CUTC: variants seen among roughly 807,000 people sequenced by gnomAD.
CUTC encodes the protein copper homeostasis protein cutC homolog.
A neutral mutation model predicts 36.2 loss-of-function variants in CUTC; 27 were observed. The ratio of observed to expected loss-of-function variants is 0.75; its 90% confidence interval spans 0.55 to 1.03. The LOEUF (loss-of-function observed/expected upper bound fraction) is 1.03, where lower values mean the gene tolerates loss of function less well. Among genes scored for constraint, CUTC ranks in the 50% least tolerant of loss-of-function variants. The probability of loss-of-function intolerance (pLI) is 0.00; values close to 1 mark genes in which losing one functional copy is unlikely to be tolerated. For synonymous variants in CUTC, 114 were observed against 118.3 expected, an observed-to-expected ratio of 0.96 and a Z score of 0.24; for missense variants, 315 against 343.5, an observed-to-expected ratio of 0.92 and a Z score of 0.66.
Position 99,733,438 on chromosome 10 carries a change from AG to A in CUTC, c.61+1030del, listed in dbSNP as rs1413737434. On this transcript the variant is annotated intron_variant, in intron 1 of 8. Transcript: ENST00000370476. Reference sequence around the variant, plus strand: ...ATTCCTAAACAACAACAACAAAAAAAGCAAAAGAGTGGAAATATATTTTTGC... The same window carrying A: ...ATTCCTAAACAACAACAACAAAAAAACAAAAGAGTGGAAATATATTTTTGC... Among the ~76,000 whole-genome samples the A allele has an allele frequency of 8.5e-5, 13 of 152,244 alleles. No homozygotes were observed. The South Asian group carries it at 1.2e-3, about 15-fold the overall frequency.
chr10:99,737,569 G>A (rs540713383), intron 2 of CUTC, among the ~76,000 whole-genome samples: 12 of 152,246 alleles, frequency 7.9e-5, no homozygotes, highest in African/African-American at 2.6e-4. Context: ...GGAGATGGTT[G>A]CAAAACTCTG....
chr10:99,745,746 A>C lies in CUTC; in HGVS notation c.440-1511A>C, dbSNP rs145163110. Among the ~76,000 whole-genome samples, 784 of 152,274 alleles carry C rather than the reference A, an allele frequency of 5.1e-3. 21 individuals carry two copies. Among genetic ancestry groups the C allele is most frequent in the East Asian group, 0.028 (144 of 5,182 alleles). On this transcript the variant is annotated intron_variant, in intron 5 of 8. Coordinates refer to ENST00000370476, the MANE Select transcript of CUTC (RefSeq NM_015960.3). Reference sequence around the variant, plus strand: ...GTGGCGCATGCCTGTAATCCCAGCTACTCGGGAGGCTGAGGCAGGAGAATC... The same window carrying C: ...GTGGCGCATGCCTGTAATCCCAGCTCCTCGGGAGGCTGAGGCAGGAGAATC...
At chr10:99,753,083 C>T (rs977526756) in intron 7 of CUTC, among the ~76,000 whole-genome samples, 4 of 152,148 alleles carry the variant, frequency 2.6e-5, no homozygotes, top group African/African-American at 9.7e-5. Flanking sequence ...TAAACTAGTT[C>T]TGTGGGATCC....
chr10:99,755,874 G>A lies in CUTC; in HGVS notation c.*135G>A. On this transcript the variant is annotated 3_prime_UTR_variant, in exon 9 of 9. Transcript: ENST00000370476. ...TTTGTTTTAAGTTTCACATGGCCAT[G>A]GAGAATGTGCCCAAGAAGAAAAAGA... 1.7e-6 allele frequency: 1 copy of A among 588,096 alleles called. No homozygotes were observed. The highest frequency in any genetic ancestry group is 2.9e-5 in the East Asian group (1 of 35,000). The allele number at this position is 588,096 out of a possible 1,614,324, so 36.4% of individuals were successfully genotyped here.
chr10:99,745,138 A>G (rs1371181972), intron 5 of CUTC, among the ~76,000 whole-genome samples: 1 of 152,226 alleles, frequency 6.6e-6, no homozygotes, highest in Non-Finnish European at 1.5e-5. Flanking sequence ...TTCAGAGAGC[A>G]CTGCCATTGC....
chr10:99,739,964 G>T (rs929151808), intron 3 of CUTC, among the ~76,000 whole-genome samples, 195 bp downstream of exon 3: 4 of 152,204 alleles, frequency 2.6e-5, no homozygotes, highest in African/African-American at 9.7e-5. Context: ...AAAGTTGAAA[G>T]GTAGGTAGGT....
intron 8 of CUTC, among the ~76,000 whole-genome samples, chr10:99,754,965 TA>T (rs1564658730): frequency 7.4e-6 from 1 of 135,720 alleles, no homozygotes; most frequent in Non-Finnish European, 1.6e-5. Flanking sequence ...GTAGCAAAGT[TA>T]ATAACTATGG....
chr10:99,749,918 C>T (rs902693432), intron 6 of CUTC, among the ~76,000 whole-genome samples: 2 of 152,084 alleles, frequency 1.3e-5, no homozygotes, highest in Non-Finnish European at 2.9e-5. Context: ...CTCACCATGT[C>T]AGGGAGGAAA....
chr10:99,745,931 C>G (rs2037374975), intron 5 of CUTC, among the ~76,000 whole-genome samples: 1 of 152,184 alleles, frequency 6.6e-6, no homozygotes, highest in African/African-American at 2.4e-5. Flanking sequence ...TGCTATGAAC[C>G]TTGAGTATGT....
chr10:99,742,449 T>C (rs2037348313), intron 3 of CUTC, among the ~76,000 whole-genome samples: 1 of 152,164 alleles, frequency 6.6e-6, no homozygotes, highest in African/African-American at 2.4e-5. Flanking sequence ...TTGAGTACAG[T>C]CTGTTTTTGT....
At chr10:99,740,638 A>G (rs1468328035) in intron 3 of CUTC, among the ~76,000 whole-genome samples, 1 of 151,920 alleles carries the variant, frequency 6.6e-6, no homozygotes, top group Non-Finnish European at 1.5e-5. Context: ...GGACCTGTGC[A>G]TTTATACTTC....
intron 5 of CUTC, among the ~76,000 whole-genome samples, chr10:99,746,428 G>T (rs891788105): frequency 6.6e-6 from 1 of 151,906 alleles, no homozygotes; most frequent in Non-Finnish European, 1.5e-5. Flanking sequence ...TAATACCTTG[G>T]TGATGAAATA....
chr10:99,736,398 G>A, intron 2 of CUTC, 81 bp downstream of exon 2: 1 of 1,050,418 alleles, frequency 9.5e-7, no homozygotes. Context: ...TATCTCAGAA[G>A]CCCTTGTGAT....
At chr10:99,748,442 T>C (rs2037395111) in intron 6 of CUTC, among the ~76,000 whole-genome samples, 3 of 152,230 alleles carry the variant, frequency 2.0e-5, no homozygotes, top group Admixed American at 2.0e-4. Context: ...TTTGCTATTC[T>C]GGGATGTAAT....
rs1037782378 is a variant in CUTC at position 99,755,708 on chromosome 10, T to C, written c.791T>C (p.Leu264Ser). Residue 264 changes from leucine to serine, a missense_variant, in exon 9 of 9, where the codon TTG becomes TCG. Coordinates refer to ENST00000370476, the MANE Select transcript of CUTC (RefSeq NM_015960.3). Reference sequence around the variant, plus strand: ...ACAGATGTGACCAAAGTAAGGACTTTGAATGCTATCGCAAAGAACATCCTG... The same window carrying C: ...ACAGATGTGACCAAAGTAAGGACTTCGAATGCTATCGCAAAGAACATCCTG... ...KVTDVTKVRTLNAIAKNILV is the reference protein window; with the variant it reads ...KVTDVTKVRTSNAIAKNILV 7 of 1,613,572 alleles carry C rather than the reference T, an allele frequency of 4.3e-6. No homozygotes were observed. In the African/African-American group the frequency reaches 8.0e-5, roughly 18 times the overall value.
At chr10:99,745,042 C>A (rs2037368439) in intron 5 of CUTC, among the ~76,000 whole-genome samples, 1 of 152,030 alleles carries the variant, frequency 6.6e-6, no homozygotes, top group African/African-American at 2.4e-5. Flanking sequence ...TGAGCCACCA[C>A]CCCTGGCCAA....
At chr10:99,737,088 G>A (rs1259308524) in intron 2 of CUTC, among the ~76,000 whole-genome samples, 1 of 152,010 alleles carries the variant, frequency 6.6e-6, no homozygotes, top group Non-Finnish European at 1.5e-5. Flanking sequence ...CAGGCAACAT[G>A]GCAAAACCCT....
At chr10:99,735,636 GA>G (rs1403815372) in intron 1 of CUTC, among the ~76,000 whole-genome samples, 1 of 152,330 alleles carries the variant, frequency 6.6e-6, no homozygotes. Flanking sequence ...TCCAATTCCT[GA>G]CCTCATGTGA....
rs1476478734 is a variant in CUTC at position 99,743,325 on chromosome 10, T to C, written c.366T>C (p.Asp122=). 1.2e-6 allele frequency: 2 copies of C among 1,614,180 alleles called. No homozygotes were observed. Among genetic ancestry groups the C allele is most frequent in the East Asian group, 2.2e-5 (1 of 44,880 alleles). ...TGGTTTTTGGGGCATTGACTGAAGA[T>C]GGACACATTGACAAAGAGCTGTGTA... The part of the protein sequence containing the change: ...DGLVFGALTE[D]GHIDKELCMS... Residue 122 remains aspartate (D), a synonymous_variant, in exon 4 of 9, where the codon GAT becomes GAC. Coordinates refer to ENST00000370476, the MANE Select transcript of CUTC (RefSeq NM_015960.3).
Sources: gnomAD v4.1 joint callset for allele counts (sites outside exome capture counted in the v4.1 genomes callset) on GRCh38, gnomAD v4.1.1 for gene constraint, MANE v1.5 for transcripts, NCBI Gene and HGNC (gene_info 2026-07-23, HGNC 2026-07-21) for gene names.